The following HTRA3 variants were observed in gnomAD, a reference collection of about 807,000 sequenced individuals.
HTRA3 encodes the protein serine protease HTRA3.
A neutral mutation model predicts 43.2 loss-of-function variants in HTRA3; 41 were observed. That is an observed-to-expected ratio of 0.95 (90% CI 0.74 to 1.23). The LOEUF (loss-of-function observed/expected upper bound fraction) is 1.23, where lower values mean the gene tolerates loss of function less well. Among genes scored for constraint, HTRA3 ranks in the 50% most tolerant of loss-of-function variants. The pLI is 0.00. For missense variants in HTRA3, 628 were observed against 647.1 expected (o/e 0.97, Z 0.32); for synonymous variants, 295 against 287.9 (o/e 1.02, Z -0.25).
chr4:8,285,511 C>T (rs1205920344), intron 2 of HTRA3, among the ~76,000 whole-genome samples: 3 of 152,238 alleles, frequency 2.0e-5, no homozygotes, highest in Admixed American at 6.5e-5. Flanking sequence ...TCCCTCCATA[C>T]TTTGTCCCTC....
chr4:8,290,060 C>T (rs76095476), intron 3 of HTRA3, among the ~76,000 whole-genome samples: 11,721 of 152,298 alleles, frequency 0.077, 502 homozygotes, highest in South Asian at 0.16. Flanking sequence ...CCTCTTCGGC[C>T]GGTCAGCAAT....
intron 7 of HTRA3, among the ~76,000 whole-genome samples, chr4:8,302,716 G>T (rs769671731): frequency 6.6e-6 from 1 of 152,234 alleles, no homozygotes; most frequent in Non-Finnish European, 1.5e-5. Flanking sequence ...TGCTCTTTCA[G>T]GACGCTATCT....
intron 1 of HTRA3, among the ~76,000 whole-genome samples, chr4:8,281,941 G>A (rs1446323943): frequency 6.6e-6 from 1 of 152,204 alleles, no homozygotes; most frequent in African/African-American, 2.4e-5. Context: ...GGTCACCTGG[G>A]GGTCTTCCAC....
chr4:8,277,829 T>C (rs73081587), intron 1 of HTRA3, among the ~76,000 whole-genome samples: 257 of 152,328 alleles, frequency 1.7e-3, no homozygotes, highest in African/African-American at 5.9e-3. Context: ...TATCCACTCA[T>C]GGCTCCTCCA....
intron 6 of HTRA3, among the ~76,000 whole-genome samples, chr4:8,298,571 C>G (rs1360842174): frequency 6.6e-6 from 1 of 151,634 alleles, no homozygotes; most frequent in Non-Finnish European, 1.5e-5. Flanking sequence ...GACGTCTTTG[C>G]TAACCCAAGA....
chr4:8,291,743 C>A (rs1713251936), intron 4 of HTRA3, among the ~76,000 whole-genome samples, 179 bp downstream of exon 4: 1 of 152,224 alleles, frequency 6.6e-6, no homozygotes, highest in Non-Finnish European at 1.5e-5. Context: ...GACTTCCACC[C>A]CAGGGTGCCA....
At chr4:8,289,549 C>A (rs1209587352) in intron 3 of HTRA3, among the ~76,000 whole-genome samples, 1 of 152,198 alleles carries the variant, frequency 6.6e-6, no homozygotes, top group African/African-American at 2.4e-5. Flanking sequence ...GGGGTGGTAT[C>A]CAGGTGGGCC....
intron 1 of HTRA3, among the ~76,000 whole-genome samples, chr4:8,277,662 G>C (rs911246841): frequency 1.3e-5 from 2 of 152,246 alleles, no homozygotes; most frequent in African/African-American, 4.8e-5. Flanking sequence ...AGGAAGCAGA[G>C]CCGAGGTCCA....
intron 3 of HTRA3, among the ~76,000 whole-genome samples, chr4:8,289,880 CT>C (rs1410771303): frequency 2.7e-5 from 4 of 149,994 alleles, no homozygotes; most frequent in African/African-American, 9.9e-5. Context: ...GGAGGATGGG[CT>C]GACCCTCCCC....
chr4:8,284,042 A>G (rs1183826612), intron 2 of HTRA3, among the ~76,000 whole-genome samples: 2 of 152,040 alleles, frequency 1.3e-5, no homozygotes, highest in Non-Finnish European at 2.9e-5. Flanking sequence ...GGCATATAGC[A>G]CCTCAGCATC....
At chr4:8,301,167 T>TC (rs1713640675) in intron 6 of HTRA3, among the ~76,000 whole-genome samples, 1 of 150,364 alleles carries the variant, frequency 6.7e-6, no homozygotes, top group Non-Finnish European at 1.5e-5. Flanking sequence ...TGACTCACAC[T>TC]TTATTATTCA....
intron 1 of HTRA3, among the ~76,000 whole-genome samples, chr4:8,278,463 G>A (rs1348035666): frequency 2.0e-5 from 3 of 151,920 alleles, no homozygotes; most frequent in African/African-American, 7.2e-5. Flanking sequence ...TTGGCTCGAG[G>A]ATGGGGTGGG....
In HTRA3 at chr4:8,296,297, C is replaced by A; in HGVS notation, c.1051+2096C>A. 1 of 985,504 alleles carries A rather than the reference C, an allele frequency of 1.0e-6. No homozygotes were observed. Among genetic ancestry groups the A allele is most frequent in the Non-Finnish European group, 1.2e-6 (1 of 829,990 alleles). 61.0% of individuals were successfully genotyped at this position (985,504 alleles called of 1,614,324 possible). ...TAGTGCTGACCTCATCCCAGAACCCCCTGGGAAATATCCCCTGTCCTCAGA... is the reference window on the plus strand; with the variant it reads ...TAGTGCTGACCTCATCCCAGAACCCACTGGGAAATATCCCCTGTCCTCAGA... On this transcript the variant is annotated intron_variant, in intron 6 of 8. Coordinates refer to ENST00000307358, the MANE Select transcript of HTRA3 (RefSeq NM_053044.5). The surrounding 1 kb of genome is among the most constrained non-coding windows in gnomAD (Gnocchi z 5.3).
At chr4:8,273,587 C>T (rs1047112017) in intron 1 of HTRA3, among the ~76,000 whole-genome samples, 2 of 147,106 alleles carry the variant, frequency 1.4e-5, no homozygotes, top group Admixed American at 6.9e-5. Flanking sequence ...GCTGGGACTT[C>T]GGGCCCTATC....
intron 1 of HTRA3, among the ~76,000 whole-genome samples, chr4:8,275,398 G>T (rs1471221532): frequency 3.3e-5 from 5 of 152,136 alleles, no homozygotes; most frequent in East Asian, 1.9e-4. Flanking sequence ...TGGCAGGCTC[G>T]CAGGCTTGGT....
At chr4:8,282,226 G>A (rs942493095) in intron 1 of HTRA3, among the ~76,000 whole-genome samples, 12 of 152,168 alleles carry the variant, frequency 7.9e-5, no homozygotes, top group South Asian at 2.1e-4. Flanking sequence ...AACCATTCTC[G>A]GGGTGAGCGA....
chr4:8,274,896 G>A (rs1712456837), intron 1 of HTRA3, among the ~76,000 whole-genome samples: 1 of 152,132 alleles, frequency 6.6e-6, no homozygotes, highest in Non-Finnish European at 1.5e-5. Flanking sequence ...AGGTTCTGAT[G>A]GCATCTCCCG....
intron 1 of HTRA3, among the ~76,000 whole-genome samples, chr4:8,273,911 C>T (rs1712410885): frequency 6.6e-6 from 1 of 152,050 alleles, no homozygotes; most frequent in Admixed American, 6.5e-5. Flanking sequence ...CTCTCACTCC[C>T]CTCCACCCCT....
At chr4:8,290,769 G>A (rs545135880) in intron 3 of HTRA3, among the ~76,000 whole-genome samples, 75 of 152,280 alleles carry the variant, frequency 4.9e-4, no homozygotes, top group Middle Eastern at 6.8e-3. Context: ...GACAGGCTCC[G>A]CTGGGCCCGC....
Sources: allele counts gnomAD v4.1 joint callset (sites outside exome capture counted in the v4.1 genomes callset), GRCh38; gene constraint gnomAD v4.1.1; non-coding constraint Gnocchi (gnomAD v3.1); transcripts MANE v1.5; gene names NCBI Gene and HGNC (gene_info 2026-07-23, HGNC 2026-07-21).